The following SRRT variants were observed in gnomAD, a reference collection of about 807,000 sequenced individuals.
The protein encoded by SRRT is serrate, RNA effector molecule.
Under a neutral mutation model 103.2 loss-of-function variants are expected in SRRT, and 32 were observed. That is an observed-to-expected ratio of 0.31 (90% CI 0.23 to 0.42). SRRT has a LOEUF of 0.42. Ranked by LOEUF, SRRT falls within the 10% of genes least tolerant of loss-of-function variation. SRRT has a pLI of 1.00. For synonymous variants in SRRT, 525 were observed against 449.0 expected (o/e 1.17, Z -2.14); for missense variants, 986 against 1,207.5 (o/e 0.82, Z 2.72).
chr7:100,884,991 T>G lies in SRRT; in HGVS notation c.1110T>G (p.Ser370=), dbSNP rs754117203. Residue 370 remains serine, a synonymous_variant, in exon 9 of 20, where the codon TCT becomes TCG. Transcript: ENST00000611405. ...TTGACGAGGGCAGCGTGTCAGAGTC[T>G]GAGTCGGAGTCAGAGAGCGGCCAGG... ...DSFDEGSVSE[S]ESESESGQAE... 11 of 1,613,924 alleles carry G rather than the reference T, an allele frequency of 6.8e-6. No individual in the cohort carries two copies. Among genetic ancestry groups the G allele is most frequent in the South Asian group, 1.1e-5 (1 of 91,084 alleles).
At position 100,888,571 on chromosome 7, in the gene SRRT, C is replaced by T. The variant is rs375567360; in HGVS notation, c.*22C>T. ...TTGAGCCGTCCCCCGTTCCTCAGTC[C>T]TGTATCATCCATACTTGTACTACCT... On this transcript the variant is annotated 3_prime_UTR_variant, in exon 20 of 20. Transcript: ENST00000611405. 1.2e-4 allele frequency: 187 copies of T among 1,613,738 alleles called. No homozygotes were observed. Among genetic ancestry groups the T allele is most frequent in the Admixed American group, 2.0e-4 (12 of 60,002 alleles).
rs771057596 is a variant in SRRT, at chr7:100,887,342, T to C, written c.1998T>C (p.Phe666=). 9 of 1,614,128 alleles carry C rather than the reference T, an allele frequency of 5.6e-6. No individual in the cohort carries two copies. The highest frequency in any genetic ancestry group is 7.6e-6 in the Non-Finnish European group (9 of 1,180,016). Residue 666 remains phenylalanine, a synonymous_variant, in exon 16 of 20, where the codon TTT becomes TTC. Transcript: ENST00000611405. The surrounding 1 kb of genome is among the most constrained non-coding windows in gnomAD (Gnocchi z 4.1). ...HGEVLEWQKT[F]EEKLTPLLSV... ...CAGTGCTGGAGTGGCAGAAGACTTT[T>C]GAGGAGAAGCTCACGCCGTTGCTGA...
chr7:100,887,645 C>G lies in SRRT; in HGVS notation c.2170-58C>G. ...GAGCTGGGAATCCTTCCAGCTCGGG[C>G]CTGGGAGCGAGGCAACCCTTATGTG... On this transcript the variant is annotated intron_variant, in intron 16 of 19. Transcript: ENST00000611405. The surrounding 1 kb of genome is among the most constrained non-coding windows in gnomAD (Gnocchi z 4.1). The G allele has an allele frequency of 6.3e-7, 1 of 1,582,348 alleles. No individual in the cohort carries two copies.
rs1790264776 is a variant in SRRT, at chr7:100,887,616, G to C, written c.2170-87G>C. 1 of 1,575,922 alleles carries C rather than the reference G, an allele frequency of 6.3e-7. No homozygotes were observed. Among genetic ancestry groups the C allele is most frequent in the South Asian group, 1.2e-5 (1 of 85,302 alleles). On this transcript the variant is annotated intron_variant, in intron 16 of 19. Transcript: ENST00000611405. The surrounding 1 kb of genome is among the most constrained non-coding windows in gnomAD (Gnocchi z 4.1). ...GGGGAACTGCTTACTGCACTGGCAG[G>C]CGGGAGCTGGGAATCCTTCCAGCTC... is the stretch of plus-strand genomic sequence containing the variant.
Position 100,884,127 on chromosome 7 carries a change from G to T in SRRT, c.645G>T (p.Gly215=). 6.2e-7 allele frequency: 1 copy of T among 1,612,778 alleles called. No individual in the cohort carries two copies. The highest frequency in any genetic ancestry group is 8.5e-7 in the Non-Finnish European group (1 of 1,179,652). The stretch of plus-strand genomic sequence containing the variant: ...GGAAGCGTCGGCAGGAGGCCCGGGG[G>T]GCCCTGCAAAACCGACTGAGGGTCT... ...EVGKRRQEAR[G]ALQNRLRVFL... is the part of the protein sequence containing the mutation. The change falls in exon 6 of 20, where the codon GGG becomes GGT. Residue 215 remains glycine, a synonymous_variant. Coordinates refer to ENST00000611405, the MANE Select transcript of SRRT (RefSeq NM_015908.6).
At chr7:100,886,066 C>A in intron 12 of SRRT, 125 bp downstream of exon 12, 1 of 1,328,956 alleles carries the variant, frequency 7.5e-7, no homozygotes, top group Non-Finnish European at 1.1e-6. Flanking sequence ...TTTTGTCTGG[C>A]TACGTTGTCT....
intron 12 of SRRT, 99 bp downstream of exon 12, chr7:100,886,040 G>T: frequency 6.9e-7 from 1 of 1,446,788 alleles, no homozygotes. Context: ...TGGTTGTTCT[G>T]CACACTCTTT....
Position 100,882,428 on chromosome 7 carries a change from C to T in SRRT, c.587+187C>T, listed in dbSNP as rs959385386. On this transcript the variant is annotated intron_variant, in intron 5 of 19. Coordinates refer to ENST00000611405, the MANE Select transcript of SRRT (RefSeq NM_015908.6). This position sits in a 1 kb window ranked among gnomAD's most constrained non-coding sequence, Gnocchi z 4.2. ...TTCAGCAACTGCCACGGCCCCCGCC[C>T]CGCCCTGTCTCCTGTCCTGCTGTCC... 7.2e-5 allele frequency: 44 copies of T among 609,836 alleles called. No individual in the cohort carries two copies. In the African/African-American group the frequency reaches 7.8e-4, roughly 11 times the overall value. 37.8% of individuals were successfully genotyped at this position (609,836 alleles called of 1,614,324 possible). A position where few individuals can be genotyped will look rare whatever the true frequency, so the allele number is the denominator to read the frequency against.
Position 100,885,991 on chromosome 7 carries a change from C to G in SRRT, c.1458+50C>G. The G allele has an allele frequency of 6.3e-7, 1 of 1,580,690 alleles. No homozygotes were observed. On this transcript the variant is annotated intron_variant, in intron 12 of 19. Coordinates refer to ENST00000611405, the MANE Select transcript of SRRT (RefSeq NM_015908.6). The surrounding 1 kb of genome is among the most constrained non-coding windows in gnomAD (Gnocchi z 4.8). The stretch of plus-strand genomic sequence containing the variant: ...GGGAAGAGGAAGGGAGACTCTGTGC[C>G]ACACGGGACCTCTGTGTGACTTTGT...
At chr7:100,886,151 C>T (rs901644949) in intron 12 of SRRT, 96 bp from the exon 13 acceptor site, 42 of 1,422,742 alleles carry the variant, frequency 3.0e-5, no homozygotes, top group Non-Finnish European at 3.7e-5. Context: ...GCAGTCTGAT[C>T]AATCGCTGGT....
intron 2 of SRRT, among the ~76,000 whole-genome samples, chr7:100,877,643 T>TC (rs1815877729): frequency 6.6e-6 from 1 of 151,656 alleles, no homozygotes; most frequent in African/African-American, 2.4e-5. Flanking sequence ...TGCCTCAGCC[T>TC]CCCGAGTTGC....
chr7:100,885,459 C>CA lies in SRRT; in HGVS notation c.1317+89_1317+90insA. ...GTGGGGCCCTGCCTGTGACAGATGC[C>CA]CCCGTTTCACCTGCTAGGGAGGCCC... On this transcript the variant is annotated intron_variant, in intron 10 of 19. Transcript: ENST00000611405. This position sits in a 1 kb window ranked among gnomAD's most constrained non-coding sequence, Gnocchi z 4.8. The CA allele has an allele frequency of 7.2e-7, 1 of 1,389,870 alleles. No individual in the cohort carries two copies. Among genetic ancestry groups the CA allele is most frequent in the South Asian group, 1.3e-5 (1 of 74,728 alleles). 86.1% of individuals were successfully genotyped at this position (1,389,870 alleles called of 1,614,324 possible).
At position 100,885,623 on chromosome 7, in the gene SRRT, C is replaced by A; in HGVS notation, c.1318-78C>A. 6.8e-7 allele frequency: 1 copy of A among 1,460,322 alleles called. No individual in the cohort carries two copies. Among genetic ancestry groups the A allele is most frequent in the South Asian group, 1.2e-5 (1 of 83,036 alleles). The allele number at this position is 1,460,322 out of a possible 1,614,324, so 90.5% of individuals were successfully genotyped here. On this transcript the variant is annotated intron_variant, in intron 10 of 19. Transcript: ENST00000611405. The surrounding 1 kb of genome is among the most constrained non-coding windows in gnomAD (Gnocchi z 4.8). ...GATAAGGCAGTTAGTCCCTAGGGTT[C>A]TGAGGGCAGTGGGGGATTGGAGGAA...
Position 100,875,291 on chromosome 7 carries a change from CG to C in SRRT, c.-55del, listed in dbSNP as rs1815557444. ...ACCCAGGTCGCCCTGAAATCTAGCC[CG>C]TCCGAGCGCGAGTCCAACGGCCGCG... On this transcript the variant is annotated 5_prime_UTR_variant, in exon 1 of 20. Transcript: ENST00000611405. The C allele has an allele frequency of 2.1e-6, 2 of 931,202 alleles. No individual in the cohort carries two copies. Among genetic ancestry groups the C allele is most frequent in the Non-Finnish European group, 2.8e-6 (2 of 714,464 alleles). The allele number at this position is 931,202 out of a possible 1,614,324, so 57.7% of individuals were successfully genotyped here. A position where few individuals can be genotyped will look rare whatever the true frequency, so the allele number is the denominator to read the frequency against.
chr7:100,885,360 A>C lies in SRRT; in HGVS notation c.1307A>C (p.Glu436Ala). 1 of 1,613,418 alleles carries C rather than the reference A, an allele frequency of 6.2e-7. No homozygotes were observed. Among genetic ancestry groups the C allele is most frequent in the Non-Finnish European group, 8.5e-7 (1 of 1,179,534 alleles). ...RNIAPNISRA[E>A]IISLCKRYPG... ...ATCGCGCCCAACATCTCCCGGGCCG[A>C]GATCATCTCCGTGAGTGGGGACCCG... Residue 436 changes from glutamate to alanine, a missense_variant, in exon 10 of 20, where the codon GAG becomes GCG. Coordinates refer to ENST00000611405, the MANE Select transcript of SRRT (RefSeq NM_015908.6). The surrounding 1 kb of genome is among the most constrained non-coding windows in gnomAD (Gnocchi z 4.8).
At chr7:100,878,900 T>TTTCCC (rs1816011323) in intron 2 of SRRT, among the ~76,000 whole-genome samples, 1 of 149,744 alleles carries the variant, frequency 6.7e-6, no homozygotes, top group Admixed American at 7.5e-5. Context: ...TTTTCTTTTC[T>TTTCCC]TTTCCTTTCT....
chr7:100,887,824 A>G lies in SRRT; in HGVS notation c.2291A>G (p.Glu764Gly). 6.2e-7 allele frequency: 1 copy of G among 1,610,536 alleles called. No homozygotes were observed. Among genetic ancestry groups the G allele is most frequent in the South Asian group, 1.1e-5 (1 of 91,028 alleles). The stretch of plus-strand genomic sequence containing the variant: ...GATGCTAAGCGCCCAGCTCTGCCTG[A>G]GATCAAGCCAGCCCAGCCACCTGGC... ...LTDAKRPALP[E>G]IKPAQPPGPA... Residue 764 changes from glutamate to glycine, a missense_variant, in exon 17 of 20, where the codon GAG becomes GGG. Glu to Gly is a moderately conservative substitution (Grantham distance 98). Coordinates refer to ENST00000611405, the MANE Select transcript of SRRT (RefSeq NM_015908.6). The surrounding 1 kb of genome is among the most constrained non-coding windows in gnomAD (Gnocchi z 4.1).
At chr7:100,876,969 C>T (rs1388610684) in intron 2 of SRRT, among the ~76,000 whole-genome samples, 2 of 152,116 alleles carry the variant, frequency 1.3e-5, no homozygotes, top group Non-Finnish European at 2.9e-5. Context: ...AGTCCTGTTT[C>T]TCAGGATGTC....
chr7:100,883,379 C>T (rs1789758454), intron 5 of SRRT, among the ~76,000 whole-genome samples: 1 of 152,192 alleles, frequency 6.6e-6, no homozygotes, highest in Non-Finnish European at 1.5e-5. Context: ...TCCTCATACT[C>T]CTCATTTCTT....
Sources: gnomAD v4.1 joint callset for allele counts (sites outside exome capture counted in the v4.1 genomes callset) on GRCh38, gnomAD v4.1.1 for gene constraint, Gnocchi (gnomAD v3.1) non-coding constraint, MANE v1.5 for transcripts, NCBI Gene and HGNC (gene_info 2026-07-23, HGNC 2026-07-21) for gene names.